PCDHGA5: variants seen among roughly 807,000 people sequenced by gnomAD.
The protein encoded by PCDHGA5 is protocadherin gamma-A5.
PCDHGA5 carries 36 observed loss-of-function variants against 56.7 expected under a neutral mutation model. The observed-to-expected ratio is 0.64, with a 90% CI of 0.49 to 0.84. The LOEUF is 0.84. Among genes scored for constraint, PCDHGA5 ranks in the 40% least tolerant of loss-of-function variants. The probability of loss-of-function intolerance (pLI) is 0.00; values close to 1 mark genes in which losing one functional copy is unlikely to be tolerated. For missense variants in PCDHGA5, 1,305 were observed against 1,201.5 expected, an observed-to-expected ratio of 1.09 and a Z score of -1.27; for synonymous variants, 563 against 520.2, an observed-to-expected ratio of 1.08 and a Z score of -1.12.
Position 141,370,565 on chromosome 5 carries a change from C to T in PCDHGA5, c.2421+3814C>T, listed in dbSNP as rs776498616. ...ACCTCGCCAAGGACCTGGGGTTTGG[C>T]GTGGGGGATTTACCTACTAGGAACC... On this transcript the variant is annotated intron_variant, in intron 1 of 3. Transcript: ENST00000518069. The T allele has an allele frequency of 1.9e-5, 31 of 1,613,664 alleles. No individual in the cohort carries two copies. In the Admixed American group the frequency reaches 5.2e-4, roughly 27 times the overall value.
intron 1 of PCDHGA5, among the ~76,000 whole-genome samples, chr5:141,451,364 C>T (rs970149151): frequency 3.9e-5 from 6 of 152,078 alleles, no homozygotes; most frequent in Middle Eastern, 3.2e-3. Context: ...AGGATGGATC[C>T]GCTTCTAATC....
In PCDHGA5 at chr5:141,487,128, G is replaced by T. The variant is rs565927415; in HGVS notation, c.2422-7679G>T. On this transcript the variant is annotated intron_variant, in intron 1 of 3. Transcript: ENST00000518069. This position sits in a 1 kb window ranked among gnomAD's most constrained non-coding sequence, Gnocchi z 5.0. ...GTCATTGTGGTAAAGGATAGTGGTA[G>T]TCCACCACTCTCTACCTCTGTTACT... The T allele has an allele frequency of 6.3e-5, 102 of 1,614,086 alleles. No individual in the cohort carries two copies. The South Asian group carries it at 7.7e-4, about 12-fold the overall frequency.
At chr5:141,395,495 T>A (rs182989344) in intron 1 of PCDHGA5, 1 of 498,616 alleles carries the variant, frequency 2.0e-6, no homozygotes, top group East Asian at 3.5e-5. Context: ...TATCACTCAT[T>A]CACTTAAGAA....
rs112156044 is a variant in PCDHGA5, at chr5:141,476,771, G to C, written c.2422-18036G>C. ...CCAGTTAGTGCTGACGGCGTTGGAC[G>C]GAGGGACCCCAGCTCTCTCCGCCAG... On this transcript the variant is annotated intron_variant, in intron 1 of 3. Coordinates refer to ENST00000518069, the MANE Select transcript of PCDHGA5 (RefSeq NM_018918.3). The surrounding 1 kb of genome is among the most constrained non-coding windows in gnomAD (Gnocchi z 7.6). 1.1e-5 allele frequency: 18 copies of C among 1,613,700 alleles called. 1 individual carries two copies. In the South Asian group the frequency reaches 1.3e-4, roughly 12 times the overall value.
At chr5:141,389,161 G>A (rs2091630816) in intron 1 of PCDHGA5, 1 of 1,613,878 alleles carries the variant, frequency 6.2e-7, no homozygotes, top group African/African-American at 1.3e-5. Flanking sequence ...ACAGATCGGG[G>A]CAAGCCTCCC....
At chr5:141,419,886 G>C (rs1195529127) in intron 1 of PCDHGA5, 1 of 1,614,076 alleles carries the variant, frequency 6.2e-7, no homozygotes, top group Non-Finnish European at 8.5e-7. Context: ...CCGGATTTCA[G>C]CGACCATCCC....
chr5:141,419,656 G>C lies in PCDHGA5; in HGVS notation c.2421+52905G>C. The C allele has an allele frequency of 1.9e-6, 3 of 1,612,648 alleles. No homozygotes were observed. The East Asian group carries it at 6.7e-5, about 36-fold the overall frequency. ...TGGTGGCCGTGGACGCGGACTCGGGGCACAATGCCTGGCTGTCCTACCACG... is the reference window on the plus strand; with the variant it reads ...TGGTGGCCGTGGACGCGGACTCGGGCCACAATGCCTGGCTGTCCTACCACG... On this transcript the variant is annotated intron_variant, in intron 1 of 3. Transcript: ENST00000518069.
At chr5:141,410,177 A>G in intron 1 of PCDHGA5, 1 of 1,613,626 alleles carries the variant, frequency 6.2e-7, no homozygotes, top group Non-Finnish European at 8.5e-7. Context: ...TGCCACCGCC[A>G]CGCTTCATCT....
chr5:141,433,365 A>ATCTG, intron 1 of PCDHGA5: 1 of 523,830 alleles, frequency 1.9e-6, no homozygotes, highest in East Asian at 3.1e-5. Context: ...CTGCCTATCT[A>ATCTG]TCTATCTATC....
At chr5:141,419,796 T>C (rs1334397368) in intron 1 of PCDHGA5, 1 of 1,614,026 alleles carries the variant, frequency 6.2e-7, no homozygotes, top group Admixed American at 1.7e-5. Flanking sequence ...CTAGTCGCTG[T>C]AAGAGATGGA....
At chr5:141,367,112 C>A in intron 1 of PCDHGA5, 1 of 221,126 alleles carries the variant, frequency 4.5e-6, no homozygotes. Context: ...GCCTAGACAC[C>A]ATTAGTGAAT....
At chr5:141,441,930 G>T in intron 1 of PCDHGA5, 1 of 347,232 alleles carries the variant, frequency 2.9e-6, no homozygotes, top group Non-Finnish European at 5.5e-6. Flanking sequence ...ATGCGTGGCT[G>T]TCCTACCACG....
chr5:141,372,992 T>C (rs1414132477), intron 1 of PCDHGA5, among the ~76,000 whole-genome samples: 1 of 152,240 alleles, frequency 6.6e-6, no homozygotes, highest in Non-Finnish European at 1.5e-5. Flanking sequence ...GTTGCAGTTG[T>C]TCTTTCATAG....
At position 141,371,777 on chromosome 5, in the gene PCDHGA5, A is replaced by G. The variant is rs368442078; in HGVS notation, c.2421+5026A>G. On this transcript the variant is annotated intron_variant, in intron 1 of 3. Coordinates refer to ENST00000518069, the MANE Select transcript of PCDHGA5 (RefSeq NM_018918.3). ...ACCAGGCCTCCTACACCGTGCATGT[A>G]GCTGAGAACAATCCGCCTGGAGCCT... The G allele has an allele frequency of 9.9e-6, 16 of 1,613,872 alleles. No individual in the cohort carries two copies. In the African/African-American group the frequency reaches 1.7e-4, roughly 17 times the overall value.
intron 1 of PCDHGA5, among the ~76,000 whole-genome samples, chr5:141,465,040 C>T (rs1396261200): frequency 6.6e-6 from 1 of 151,842 alleles, no homozygotes; most frequent in Non-Finnish European, 1.5e-5. Context: ...CCACAAATGA[C>T]CCTATATATT....
chr5:141,469,581 A>G (rs543624370), intron 1 of PCDHGA5, among the ~76,000 whole-genome samples: 1 of 152,340 alleles, frequency 6.6e-6, no homozygotes, highest in Admixed American at 6.5e-5. Flanking sequence ...CTCTAAATAA[A>G]TAAATAAATA....
intron 1 of PCDHGA5, chr5:141,414,517 G>A: frequency 6.2e-7 from 1 of 1,613,964 alleles, no homozygotes; most frequent in Non-Finnish European, 8.5e-7. Context: ...ACAAGTGGCA[G>A]ATATCAATGA....
chr5:141,383,564 G>T (rs767546411), intron 1 of PCDHGA5: 1 of 1,613,046 alleles, frequency 6.2e-7, no homozygotes, highest in South Asian at 1.1e-5. Flanking sequence ...GACCCGCCCC[G>T]ATCCAGCACC....
At chr5:141,403,715 G>A in intron 1 of PCDHGA5, 3 of 1,613,898 alleles carry the variant, frequency 1.9e-6, no homozygotes, top group Non-Finnish European at 2.5e-6. Flanking sequence ...CCTTGAGAAC[G>A]TGCCCCCAGG....
Sources: allele counts gnomAD v4.1 joint callset (sites outside exome capture counted in the v4.1 genomes callset), GRCh38; gene constraint gnomAD v4.1.1; non-coding constraint Gnocchi (gnomAD v3.1); transcripts MANE v1.5; gene names NCBI Gene and HGNC (gene_info 2026-07-23, HGNC 2026-07-21).